CDH8: variants seen among roughly 807,000 people sequenced by gnomAD.
The protein encoded by CDH8 is cadherin 8, also known as cadherin-8.
A neutral mutation model predicts 68.1 loss-of-function variants in CDH8; 17 were observed. The observed-to-expected ratio is 0.25, with a 90% CI of 0.17 to 0.37. The LOEUF (loss-of-function observed/expected upper bound fraction) is 0.37. Among genes scored for constraint, CDH8 ranks in the 10% least tolerant of loss-of-function variants. CDH8 has a pLI of 1.00. For synonymous variants in CDH8, 372 were observed against 365.1 expected (o/e 1.02, Z -0.21); for missense variants, 763 against 999.3 (o/e 0.76, Z 3.19).
chr16:61,942,485 C>T (rs934411220), intron 2 of CDH8, among the ~76,000 whole-genome samples: 4 of 152,082 alleles, frequency 2.6e-5, no homozygotes, highest in African/African-American at 9.7e-5. Context: ...CTACAGGTTA[C>T]AGAGTGAGAC....
Position 61,653,158 on chromosome 16 carries a change from G to A in CDH8, c.*450C>T. ...AGTATTGCTTTATCATTTGTGGCGG[G>A]ATCCTTATTGGTGAAGGGGAAAAAA... On this transcript the variant is annotated 3_prime_UTR_variant, in exon 12 of 12. Transcript: ENST00000577390. 4 of 1,231,416 alleles carry A rather than the reference G, an allele frequency of 3.2e-6. No individual in the cohort carries two copies. The highest frequency in any genetic ancestry group is 4.0e-6 in the Non-Finnish European group (4 of 988,354). The allele number at this position is 1,231,416 out of a possible 1,614,324, so 76.3% of individuals were successfully genotyped here. A position where few individuals can be genotyped will look rare whatever the true frequency, so the allele number is the denominator to read the frequency against.
chr16:61,894,277 T>C (rs1471402836), intron 3 of CDH8, among the ~76,000 whole-genome samples: 1 of 152,156 alleles, frequency 6.6e-6, no homozygotes, highest in African/African-American at 2.4e-5. Flanking sequence ...TATAAAACAA[T>C]TGTTCCACGG....
intron 10 of CDH8, among the ~76,000 whole-genome samples, chr16:61,676,243 T>C (rs1411636031): frequency 6.7e-6 from 1 of 150,208 alleles, no homozygotes; most frequent in African/African-American, 2.4e-5. Context: ...TATATAAATA[T>C]ACAACTAGAA....
chr16:61,864,882 CTT>C (rs1244662396), intron 3 of CDH8, among the ~76,000 whole-genome samples: 1 of 152,174 alleles, frequency 6.6e-6, no homozygotes, highest in East Asian at 1.9e-4. Context: ...AAACCCTTCT[CTT>C]TTGTGGGTAA....
chr16:61,763,422 C>T (rs1960514776), intron 8 of CDH8, among the ~76,000 whole-genome samples: 1 of 152,182 alleles, frequency 6.6e-6, no homozygotes, highest in African/African-American at 2.4e-5. Context: ...TGCATGTTCT[C>T]TTCCTCCTTC....
Position 61,817,701 on chromosome 16 carries a change from G to A in CDH8, c.1055C>T (p.Thr352Met), listed in dbSNP as rs1389825610. ...PLDFETKKSY[T>M]LKVEAANVHI... ...GACATTGGCTGCCTCTACCTTTAGC[G>A]TATAGGATTTTTTGGTCTCAAAGTC... The change falls in exon 7 of 12, where the codon ACG becomes ATG. Residue 352 changes from threonine (T) to methionine (M), a missense_variant. Around this residue, in one of 2 missense-constraint regions of CDH8, gnomAD observed 366 missense variants for 563.1 expected, o/e 0.65. Coordinates refer to ENST00000577390, the MANE Select transcript of CDH8 (RefSeq NM_001796.5). 5.1e-6 allele frequency: 8 copies of A among 1,584,056 alleles called. No homozygotes were observed. Among genetic ancestry groups the A allele is most frequent in the South Asian group, 2.3e-5 (2 of 86,322 alleles).
intron 8 of CDH8, among the ~76,000 whole-genome samples, chr16:61,760,283 T>TTTTA (rs138123289): frequency 0.17 from 24,445 of 146,190 alleles, 2,593 homozygotes; most frequent in African/African-American, 0.3. Context: ...TGGAAGAAAA[T>TTTTA]TTTATTTATT....
intron 2 of CDH8, among the ~76,000 whole-genome samples, chr16:61,906,922 G>A (rs1964072047): frequency 6.6e-6 from 1 of 152,116 alleles, no homozygotes; most frequent in African/African-American, 2.4e-5. Flanking sequence ...AAGAAAAGAT[G>A]GGTAGGTGAT....
intron 10 of CDH8, among the ~76,000 whole-genome samples, chr16:61,678,441 G>A (rs534702500): frequency 1.3e-5 from 2 of 152,178 alleles, no homozygotes; most frequent in East Asian, 1.9e-4. Context: ...CCACAGAATA[G>A]AGACCAGGTT....
intron 8 of CDH8, among the ~76,000 whole-genome samples, chr16:61,782,148 G>A (rs573081654): frequency 2.7e-4 from 41 of 152,046 alleles, no homozygotes; most frequent in Non-Finnish European, 4.4e-4. Context: ...CGCAGAAGAC[G>A]GGTGATTTCT....
At chr16:61,845,391 C>A (rs1470421874) in intron 4 of CDH8, among the ~76,000 whole-genome samples, 1 of 148,198 alleles carries the variant, frequency 6.7e-6, no homozygotes, top group African/African-American at 2.5e-5. Flanking sequence ...AATACCACAG[C>A]AACAATATTA....
intron 8 of CDH8, among the ~76,000 whole-genome samples, chr16:61,777,830 T>G (rs922673914): frequency 1.3e-5 from 2 of 152,136 alleles, no homozygotes; most frequent in Non-Finnish European, 2.9e-5. Context: ...TGGAAGGACA[T>G]GGACCCCAAT....
At chr16:61,686,233 C>T (rs371421560) in intron 10 of CDH8, among the ~76,000 whole-genome samples, 4 of 151,920 alleles carry the variant, frequency 2.6e-5, no homozygotes, top group East Asian at 1.9e-4. Context: ...GATCAATATT[C>T]GTCCAGGAAT....
At chr16:61,745,755 T>C (rs1329207211) in intron 8 of CDH8, among the ~76,000 whole-genome samples, 11 of 152,040 alleles carry the variant, frequency 7.2e-5, no homozygotes, top group Admixed American at 7.2e-4. Context: ...ACTTGTTATC[T>C]ATTTTCTTGG....
chr16:61,823,256 A>G (rs1282329222), intron 5 of CDH8, among the ~76,000 whole-genome samples: 2 of 151,808 alleles, frequency 1.3e-5, no homozygotes, highest in African/African-American at 2.4e-5. Flanking sequence ...GTCATTTTCA[A>G]GCTCCATACA....
At chr16:61,862,133 ACT>A (rs912327782) in intron 3 of CDH8, among the ~76,000 whole-genome samples, 41 of 104,370 alleles carry the variant, frequency 3.9e-4, no homozygotes, top group African/African-American at 1.5e-3. Flanking sequence ...CACAAACACC[ACT>A]CACACACACA....
intron 9 of CDH8, among the ~76,000 whole-genome samples, chr16:61,719,722 G>A (rs1044197459): frequency 6.6e-6 from 1 of 150,738 alleles, no homozygotes; most frequent in East Asian, 2.0e-4. Flanking sequence ...ATTATAAACA[G>A]TAATTCCTAT....
At chr16:61,998,782 T>C (rs1965847852) in intron 2 of CDH8, among the ~76,000 whole-genome samples, 1 of 152,214 alleles carries the variant, frequency 6.6e-6, no homozygotes, top group Non-Finnish European at 1.5e-5. Flanking sequence ...TCCATTCACT[T>C]TCTTGATCTT....
intron 10 of CDH8, among the ~76,000 whole-genome samples, chr16:61,703,516 TCTTTATCTTTTAAA>T (rs1964472001): frequency 6.6e-6 from 1 of 152,220 alleles, no homozygotes; most frequent in Non-Finnish European, 1.5e-5. Flanking sequence ...ACTTTTTATT[TCTTTATCTTTTAAA>T]CTATGCACTG....
Sources: gnomAD v4.1 joint callset for allele counts (sites outside exome capture counted in the v4.1 genomes callset) on GRCh38, gnomAD v4.1.1 for gene constraint, gnomAD v4.1.1 regional missense constraint, MANE v1.5 for transcripts, NCBI Gene and HGNC (gene_info 2026-07-23, HGNC 2026-07-21) for gene names.